The following TMEM163 variants were observed in gnomAD, a reference collection of about 807,000 sequenced individuals.
TMEM163 encodes transmembrane protein 163.
TMEM163 carries 17 observed loss-of-function variants against 29.3 expected under a neutral mutation model. The ratio of observed to expected loss-of-function variants is 0.58; its 90% CI spans 0.40 to 0.87. The LOEUF (loss-of-function observed/expected upper bound fraction) is 0.87. Ranked by LOEUF, TMEM163 falls within the 40% of genes least tolerant of loss-of-function variation. The pLI is 0.00. For missense variants in TMEM163, 303 were observed against 381.5 expected (o/e 0.79, Z 1.71); for synonymous variants, 157 against 160.6 (o/e 0.98, Z 0.17).
chr2:134,640,328 A>G (rs929699525), intron 2 of TMEM163, among the ~76,000 whole-genome samples: 1 of 152,166 alleles, frequency 6.6e-6, no homozygotes, highest in Admixed American at 6.5e-5. Flanking sequence ...AAAAAGAAAA[A>G]TGAAGTAGAT....
At chr2:134,576,996 A>T (rs1681570169) in intron 2 of TMEM163, among the ~76,000 whole-genome samples, 2 of 152,110 alleles carry the variant, frequency 1.3e-5, no homozygotes, top group Non-Finnish European at 2.9e-5. Flanking sequence ...CCATGTTCCG[A>T]TTCCTCTGGC....
At position 134,602,282 on chromosome 2, in the gene TMEM163, G is replaced by A. The variant is rs953607052; in HGVS notation, c.323-50191C>T. On this transcript the variant is annotated intron_variant, in intron 2 of 7. Transcript: ENST00000281924. The stretch of plus-strand genomic sequence containing the variant: ...TTCCTGTGCAATTAGGCTGCAATCA[G>A]GTGACATCGTTCTGGTTAATTACAC... Among the ~76,000 whole-genome samples, 10 of 152,162 alleles carry A rather than the reference G, an allele frequency of 6.6e-5. No homozygotes were observed. In the East Asian group the frequency reaches 1.9e-3, roughly 29 times the overall value.
At chr2:134,666,896 C>G (rs1218903661) in intron 2 of TMEM163, among the ~76,000 whole-genome samples, 1 of 152,198 alleles carries the variant, frequency 6.6e-6, no homozygotes, top group Non-Finnish European at 1.5e-5. Context: ...AATCTGAGTG[C>G]TCCCCTTCAG....
At chr2:134,699,947 T>G (rs530984686) in intron 2 of TMEM163, among the ~76,000 whole-genome samples, 1 of 152,370 alleles carries the variant, frequency 6.6e-6, no homozygotes, top group South Asian at 2.1e-4. Flanking sequence ...TTGTTATTAT[T>G]TGCCAGATCA....
chr2:134,551,232 G>C (rs1680914305), intron 3 of TMEM163, among the ~76,000 whole-genome samples: 1 of 152,118 alleles, frequency 6.6e-6, no homozygotes, highest in Non-Finnish European at 1.5e-5. Flanking sequence ...TTCTGGGTGT[G>C]TGTGTATGCA....
intron 2 of TMEM163, among the ~76,000 whole-genome samples, chr2:134,640,662 G>A (rs996488925): frequency 1.3e-5 from 2 of 152,078 alleles, no homozygotes; most frequent in Non-Finnish European, 2.9e-5. Context: ...CGCCCCAGGG[G>A]GACAAACCCT....
At chr2:134,510,095 C>G (rs1679914547) in intron 4 of TMEM163, among the ~76,000 whole-genome samples, 1 of 152,078 alleles carries the variant, frequency 6.6e-6, no homozygotes, top group South Asian at 2.1e-4. Flanking sequence ...ATGGCAGGTG[C>G]ATCACCCATG....
intron 2 of TMEM163, among the ~76,000 whole-genome samples, chr2:134,645,089 A>G (rs988675755): frequency 8.5e-5 from 13 of 152,258 alleles, no homozygotes; most frequent in Admixed American, 7.9e-4. Flanking sequence ...TTAGAATAGC[A>G]TAAGTTAAAA....
intron 4 of TMEM163, among the ~76,000 whole-genome samples, chr2:134,523,770 C>A (rs777611838): frequency 7.2e-5 from 11 of 152,138 alleles, no homozygotes; most frequent in Non-Finnish European, 1.3e-4. Context: ...TGAAACCCAG[C>A]CTTAGTAAGT....
chr2:134,465,523 C>T (rs1369826776), intron 6 of TMEM163, among the ~76,000 whole-genome samples: 1 of 152,312 alleles, frequency 6.6e-6, no homozygotes, highest in African/African-American at 2.4e-5. Context: ...GGGCCTGAAA[C>T]GTACTTTTCC....
At chr2:134,597,914 A>G (rs945246664) in intron 2 of TMEM163, among the ~76,000 whole-genome samples, 4 of 152,176 alleles carry the variant, frequency 2.6e-5, no homozygotes, top group Non-Finnish European at 5.9e-5. Flanking sequence ...AGGTATTTAT[A>G]GTATTCTCTG....
chr2:134,574,333 G>A (rs1037494279), intron 2 of TMEM163, among the ~76,000 whole-genome samples: 2 of 152,236 alleles, frequency 1.3e-5, no homozygotes, highest in Non-Finnish European at 2.9e-5. Context: ...GCTGAGCCAG[G>A]CAGGATGCCT....
intron 2 of TMEM163, among the ~76,000 whole-genome samples, chr2:134,575,885 C>T (rs995710280): frequency 6.6e-6 from 1 of 151,920 alleles, no homozygotes; most frequent in South Asian, 2.1e-4. Flanking sequence ...AGGACAGGCC[C>T]CAGGAAGAGT....
intron 2 of TMEM163, among the ~76,000 whole-genome samples, chr2:134,594,532 A>T (rs1682017390): frequency 6.6e-6 from 1 of 152,176 alleles, no homozygotes; most frequent in South Asian, 2.1e-4. Context: ...GTGCCCTCTC[A>T]CACACACAGC....
At chr2:134,667,978 T>C (rs1683902906) in intron 2 of TMEM163, among the ~76,000 whole-genome samples, 1 of 152,200 alleles carries the variant, frequency 6.6e-6, no homozygotes, top group East Asian at 1.9e-4. Flanking sequence ...CTGGCCCAGC[T>C]GCTGGGAGAT....
intron 2 of TMEM163, among the ~76,000 whole-genome samples, chr2:134,556,791 A>ATCTGTT (rs1357512111): frequency 6.6e-6 from 1 of 152,238 alleles, no homozygotes; most frequent in African/African-American, 2.4e-5. Flanking sequence ...ACCGTAAGCC[A>ATCTGTT]GCCTAGGCAA....
chr2:134,483,170 A>G (rs1679235194), intron 5 of TMEM163, among the ~76,000 whole-genome samples: 1 of 152,166 alleles, frequency 6.6e-6, no homozygotes, highest in Non-Finnish European at 1.5e-5. Flanking sequence ...AAGCACCGTC[A>G]GTTTGCTGTT....
At chr2:134,461,942 T>A (rs1373931363) in intron 6 of TMEM163, among the ~76,000 whole-genome samples, 1 of 152,056 alleles carries the variant, frequency 6.6e-6, no homozygotes, top group Non-Finnish European at 1.5e-5. Context: ...CCTTCCAAAG[T>A]GAGGAAAGAA....
chr2:134,660,739 T>C (rs1431573495), intron 2 of TMEM163, among the ~76,000 whole-genome samples: 3 of 152,078 alleles, frequency 2.0e-5, no homozygotes, highest in African/African-American at 4.8e-5. Flanking sequence ...CACACCCCAA[T>C]TGGATCCTCA....
Sources: allele counts gnomAD v4.1 joint callset (sites outside exome capture counted in the v4.1 genomes callset), GRCh38; gene constraint gnomAD v4.1.1; transcripts MANE v1.5; gene names NCBI Gene and HGNC (gene_info 2026-07-23, HGNC 2026-07-21).